CD84: variants seen among roughly 807,000 people sequenced by gnomAD.
CD84 encodes the protein CD84 molecule, also known as SLAM family member 5.
CD84 carries 22 observed loss-of-function variants against 33.8 expected under a neutral mutation model. That is an observed-to-expected ratio of 0.65 (90% CI 0.46 to 0.93). The LOEUF (loss-of-function observed/expected upper bound fraction) is 0.93, where lower values mean the gene tolerates loss of function less well. Among genes scored for constraint, CD84 ranks in the 40% least tolerant of loss-of-function variants. The pLI, the probability that CD84 is intolerant of heterozygous loss-of-function variation, is 0.00. For missense variants in CD84, 400 were observed against 397.6 expected, an observed-to-expected ratio of 1.01 and a Z score of -0.05; for synonymous variants, 154 against 145.2, an observed-to-expected ratio of 1.06 and a Z score of -0.44.
rs1326756309 is a variant in CD84 at position 160,543,765 on chromosome 1, TAA to T, written c.*4489_*4490del. The T allele has an allele frequency of 6.6e-6, 1 of 152,100 alleles. No homozygotes were observed. The highest frequency in any genetic ancestry group is 1.5e-5 in the Non-Finnish European group (1 of 68,010). 9.4% of individuals were successfully genotyped at this position (152,100 alleles called of 1,614,324 possible). On this transcript the variant is annotated 3_prime_UTR_variant, in exon 7 of 7. Coordinates refer to ENST00000368054, the MANE Select transcript of CD84 (RefSeq NM_003874.4). ...TATCTGAATAAGGAGGGATGAGAGT[TAA>T]AAGTTTGATATACAACATTAATTTT...
intron 1 of CD84, among the ~76,000 whole-genome samples, chr1:160,575,544 G>T (rs1047195040): frequency 6.7e-6 from 1 of 149,826 alleles, no homozygotes; most frequent in African/African-American, 2.5e-5. Context: ...AAACAGACAT[G>T]AGATCATAGC....
chr1:160,555,143 T>A (rs1039906767), intron 2 of CD84, among the ~76,000 whole-genome samples: 3 of 150,992 alleles, frequency 2.0e-5, no homozygotes, highest in African/African-American at 7.3e-5. Context: ...TGCAGTGGCA[T>A]GATCTCGGCT....
intron 4 of CD84, chr1:160,553,098 C>T: frequency 1.7e-6 from 1 of 587,724 alleles, no homozygotes; most frequent in Non-Finnish European, 3.1e-6. Flanking sequence ...GGTGAACACA[C>T]TCGTACAGTG....
rs559806891 is a variant in CD84, at chr1:160,552,941, G to A, written c.760+437C>T. ...CAGAATGATCCAGAGGGATTCAGAG[G>A]GACATAGTGACAACCATGGAGTACA... is the stretch of plus-strand genomic sequence containing the variant. On this transcript the variant is annotated intron_variant, in intron 4 of 6. Transcript: ENST00000368054. 4.5e-4 allele frequency: 266 copies of A among 594,610 alleles called. 1 individual carries two copies. The highest frequency in any genetic ancestry group is 7.5e-4 in the Non-Finnish European group (248 of 329,982). The allele number at this position is 594,610 out of a possible 1,614,324, so 36.8% of individuals were successfully genotyped here.
At chr1:160,576,954 G>A (rs1055065435) in intron 1 of CD84, among the ~76,000 whole-genome samples, 4 of 152,128 alleles carry the variant, frequency 2.6e-5, no homozygotes, top group Admixed American at 2.0e-4. Context: ...TTAAGAGTAT[G>A]AGACAGTATA....
chr1:160,550,649 G>A (rs1469934601), intron 5 of CD84: 3 of 985,236 alleles, frequency 3.0e-6, no homozygotes, highest in East Asian at 2.3e-4. Context: ...GCCCCTCTAG[G>A]GGGCGCCTTG....
chr1:160,570,515 T>C (rs1362975200), intron 1 of CD84, among the ~76,000 whole-genome samples: 1 of 152,184 alleles, frequency 6.6e-6, no homozygotes, highest in African/African-American at 2.4e-5. Context: ...TATGACTAAG[T>C]TCAGCCCAAC....
At chr1:160,563,270 C>A (rs1557978486) in intron 2 of CD84, among the ~76,000 whole-genome samples, 1 of 152,142 alleles carries the variant, frequency 6.6e-6, no homozygotes, top group African/African-American at 2.4e-5. Context: ...GAATATAAAT[C>A]ATTCTATTAT....
Position 160,552,602 on chromosome 1 carries a change from G to A in CD84, c.760+776C>T, listed in dbSNP as rs532556186. The stretch of plus-strand genomic sequence containing the variant: ...TAAATGGTCAAGCTGGGACTTTCAC[G>A]CCTAGACTGACTGCAAATCACGTGC... On this transcript the variant is annotated intron_variant, in intron 4 of 6. Coordinates refer to ENST00000368054, the MANE Select transcript of CD84 (RefSeq NM_003874.4). 1.2e-4 allele frequency: 91 copies of A among 762,190 alleles called. No individual in the cohort carries two copies. The East Asian group carries it at 2.3e-3, about 19-fold the overall frequency. The allele number at this position is 762,190 out of a possible 1,614,324, so 47.2% of individuals were successfully genotyped here. A position where few individuals can be genotyped will look rare whatever the true frequency, so the allele number is the denominator to read the frequency against.
chr1:160,573,744 TATTG>T (rs1169185324), intron 1 of CD84, among the ~76,000 whole-genome samples: 1 of 152,198 alleles, frequency 6.6e-6, no homozygotes, highest in Non-Finnish European at 1.5e-5. Context: ...TGTGCTTATT[TATTG>T]ATTGTCTCCC....
intron 1 of CD84, among the ~76,000 whole-genome samples, chr1:160,576,301 G>A (rs1033467106): frequency 2.6e-5 from 4 of 152,150 alleles, no homozygotes; most frequent in African/African-American, 9.7e-5. Context: ...CATCCAACAA[G>A]ACATCAACAT....
rs149647441 is a variant in CD84 at position 160,578,507 on chromosome 1, C to T, written c.46+885G>A. On this transcript the variant is annotated intron_variant, in intron 1 of 6. Coordinates refer to ENST00000368054, the MANE Select transcript of CD84 (RefSeq NM_003874.4). ...ATTCTACCTTTACAGAAAATCCAAACGTACTAGGTTCCCAGGGTTCTAACT... is the reference window on the plus strand; with the variant it reads ...ATTCTACCTTTACAGAAAATCCAAATGTACTAGGTTCCCAGGGTTCTAACT... 1.7e-3 allele frequency among the ~76,000 whole-genome samples: 256 copies of T among 152,268 alleles called. 2 individuals are homozygous for T. The highest frequency in any genetic ancestry group is 0.01 in the Middle Eastern group (3 of 294).
intron 2 of CD84, among the ~76,000 whole-genome samples, chr1:160,560,059 C>A (rs924433005): frequency 6.6e-6 from 1 of 152,066 alleles, no homozygotes; most frequent in Non-Finnish European, 1.5e-5. Context: ...GAGTTAAACA[C>A]CCTACTTACC....
chr1:160,567,533 T>G (rs1657406487), intron 1 of CD84, among the ~76,000 whole-genome samples: 1 of 152,170 alleles, frequency 6.6e-6, no homozygotes, highest in Non-Finnish European at 1.5e-5. Flanking sequence ...CAAACATTTA[T>G]TAACTGCTAA....
At chr1:160,548,421 G>A in intron 6 of CD84, 100 bp from the exon 7 acceptor site, 1 of 1,203,468 alleles carries the variant, frequency 8.3e-7, no homozygotes, top group Non-Finnish European at 1.2e-6. Context: ...TGGCACGGGG[G>A]AATGCCTTAG....
intron 1 of CD84, among the ~76,000 whole-genome samples, chr1:160,568,177 C>A (rs1231414493): frequency 1.3e-5 from 2 of 152,118 alleles, no homozygotes; most frequent in Non-Finnish European, 2.9e-5. Context: ...GGTTCTCTCA[C>A]TAAACCCCAG....
chr1:160,550,405 G>A (rs764777611), intron 5 of CD84, among the ~76,000 whole-genome samples: 14 of 151,932 alleles, frequency 9.2e-5, no homozygotes, highest in South Asian at 8.3e-4. Context: ...AGGAGAGGGC[G>A]ATCCAGGGTG....
chr1:160,574,646 T>C (rs1657887891), intron 1 of CD84, among the ~76,000 whole-genome samples: 1 of 152,136 alleles, frequency 6.6e-6, no homozygotes, highest in Non-Finnish European at 1.5e-5. Flanking sequence ...TATGTCACCA[T>C]GGGTTAGTCA....
rs1319676920 is a variant in CD84 at position 160,546,295 on chromosome 1, T to C, written c.*1961A>G. ...GAGCCACCACCCCAGCCGGCTTCCG[T>C]TTATCTGTAATTCCCACATGTACAA... On this transcript the variant is annotated 3_prime_UTR_variant, in exon 7 of 7. Coordinates refer to ENST00000368054, the MANE Select transcript of CD84 (RefSeq NM_003874.4). 1 of 152,292 alleles carries C rather than the reference T, an allele frequency of 6.6e-6. No individual in the cohort carries two copies. The highest frequency in any genetic ancestry group is 2.4e-5 in the African/African-American group (1 of 41,472). The allele number at this position is 152,292 out of a possible 1,614,324, so 9.4% of individuals were successfully genotyped here. A position where few individuals can be genotyped will look rare whatever the true frequency, so the allele number is the denominator to read the frequency against.
Sources: gnomAD v4.1 joint callset for allele counts (sites outside exome capture counted in the v4.1 genomes callset) on GRCh38, gnomAD v4.1.1 for gene constraint, MANE v1.5 for transcripts, NCBI Gene and HGNC (gene_info 2026-07-23, HGNC 2026-07-21) for gene names.